The following EXOSC8 variants were observed in gnomAD, a reference collection of about 807,000 sequenced individuals.
The protein encoded by EXOSC8 is exosome component 8, also known as exosome complex component RRP43.
Under a neutral mutation model 39.9 loss-of-function variants are expected in EXOSC8, and 37 were observed. The observed-to-expected ratio is 0.93, with a 90% CI of 0.71 to 1.22. The LOEUF is 1.22. Among genes scored for constraint, EXOSC8 ranks in the 50% most tolerant of loss-of-function variants. EXOSC8 has a pLI of 0.00. For missense variants in EXOSC8, 313 were observed against 326.6 expected, an observed-to-expected ratio of 0.96 and a Z score of 0.32; for synonymous variants, 93 against 109.5, an observed-to-expected ratio of 0.85 and a Z score of 0.94.
In EXOSC8 at chr13:37,008,431, A is replaced by G. The variant is rs7329124; in HGVS notation, c.608+254A>G. Among the ~76,000 whole-genome samples the G allele has an allele frequency of 0.051, 7,806 of 152,266 alleles. 663 individuals are homozygous for G. Among genetic ancestry groups the G allele is most frequent in the African/African-American group, 0.18 (7,401 of 41,520 alleles). ...TAAGATTTATCTGAAGCTATCTTCA[A>G]TATTTTCCAAGGATTTTAGCACGTT... is the stretch of plus-strand genomic sequence containing the variant. On this transcript the variant is annotated intron_variant, in intron 9 of 10. Transcript: ENST00000389704.
chr13:37,008,693 C>T (rs2059174489), intron 9 of EXOSC8, 36 bp from the exon 10 acceptor site: 1 of 1,339,516 alleles, frequency 7.5e-7, no homozygotes, highest in African/African-American at 1.5e-5. Flanking sequence ...AAATTTGTTC[C>T]ATGGATTGAT....
chr13:37,006,788 A>G (rs2138849558), intron 7 of EXOSC8, among the ~76,000 whole-genome samples, 187 bp from the exon 8 acceptor site: 1 of 152,358 alleles, frequency 6.6e-6, no homozygotes, highest in East Asian at 1.9e-4. Context: ...GCTTTCACAA[A>G]ACCTGTCCAC....
Position 37,005,649 on chromosome 13 carries a change from C to T in EXOSC8, c.239-271C>T, listed in dbSNP as rs148224658. On this transcript the variant is annotated intron_variant, in intron 5 of 10. Transcript: ENST00000389704. ...TTGCGAGGCTGAGGCGGGCGGATCA[C>T]GAGGTCAGGCGATCGAGACCATCTT... is the stretch of plus-strand genomic sequence containing the variant. 2.5e-3 allele frequency among the ~76,000 whole-genome samples: 386 copies of T among 151,966 alleles called. 3 individuals are homozygous for T. The highest frequency in any genetic ancestry group is 8.8e-3 in the African/African-American group (366 of 41,464).
Position 37,008,855 on chromosome 13 carries a change from G to C in EXOSC8, c.715+20G>C, listed in dbSNP as rs1566078126. The C allele has an allele frequency of 4.1e-6, 6 of 1,464,952 alleles. No homozygotes were observed. Among genetic ancestry groups the C allele is most frequent in the Non-Finnish European group, 5.7e-6 (6 of 1,044,886 alleles). 90.7% of individuals were successfully genotyped at this position (1,464,952 alleles called of 1,614,324 possible). A position where few individuals can be genotyped will look rare whatever the true frequency, so the allele number is the denominator to read the frequency against. ...AACCAGGCATGTTCCCGCCACTTCA[G>C]TCCTAAACATATGTAGATGAAAACT... On this transcript the variant is annotated intron_variant, in intron 10 of 10. Coordinates refer to ENST00000389704, the MANE Select transcript of EXOSC8 (RefSeq NM_181503.3).
chr13:37,001,124 T>C (rs971691698), intron 1 of EXOSC8, among the ~76,000 whole-genome samples: 34 of 152,178 alleles, frequency 2.2e-4, no homozygotes, highest in Non-Finnish European at 1.2e-4. Context: ...CTTTTAAAGA[T>C]TGTGGCCGGG....
chr13:37,004,701 A>G, intron 5 of EXOSC8, 140 bp downstream of exon 5: 1 of 582,434 alleles, frequency 1.7e-6, no homozygotes, highest in South Asian at 2.4e-5. Context: ...AATTCCTCAA[A>G]AGTTTTCCGT....
intron 10 of EXOSC8, 141 bp from the exon 11 acceptor site, chr13:37,009,043 G>C: frequency 1.4e-6 from 1 of 704,964 alleles, no homozygotes; most frequent in Non-Finnish European, 2.4e-6. Context: ...TGGAGGTCTT[G>C]TGAAACTAAC....
chr13:37,005,310 C>T (rs1266012280), intron 5 of EXOSC8, among the ~76,000 whole-genome samples: 1 of 151,968 alleles, frequency 6.6e-6, no homozygotes, highest in East Asian at 1.9e-4. Context: ...GCTATATATA[C>T]TTCAGTTACA....
In EXOSC8 at chr13:37,009,329, T is replaced by TAA. The variant is rs767735943; in HGVS notation, c.*34_*35dup. ...CCACCACATTTTCAAAACAGATTTG[T>TAA]AAAAATTGTATTTGTTAACACTGTG... On this transcript the variant is annotated 3_prime_UTR_variant, in exon 11 of 11. Transcript: ENST00000389704. 1 of 1,285,832 alleles carries TAA rather than the reference T, an allele frequency of 7.8e-7. No individual in the cohort carries two copies. The highest frequency in any genetic ancestry group is 1.8e-5 in the Admixed American group (1 of 55,286). The allele number at this position is 1,285,832 out of a possible 1,614,324, so 79.7% of individuals were successfully genotyped here. A position where few individuals can be genotyped will look rare whatever the true frequency, so the allele number is the denominator to read the frequency against.
At chr13:37,002,614 C>A in intron 3 of EXOSC8, 63 bp downstream of exon 3, 1 of 1,150,776 alleles carries the variant, frequency 8.7e-7, no homozygotes, top group Non-Finnish European at 1.3e-6. Flanking sequence ...ATGAACCAGC[C>A]AAACAGTTTT....
intron 8 of EXOSC8, 55 bp downstream of exon 8, chr13:37,007,126 T>C: frequency 9.1e-7 from 1 of 1,102,464 alleles, no homozygotes; most frequent in Non-Finnish European, 1.4e-6. Flanking sequence ...GAATGTTGTT[T>C]TGTGAAACTT....
At position 37,009,471 on chromosome 13, in the gene EXOSC8, T is replaced by G. The variant is rs1593715286; in HGVS notation, c.*172T>G. 3.8e-6 allele frequency: 3 copies of G among 779,398 alleles called. No homozygotes were observed. The African/African-American group carries it at 5.3e-5, about 14-fold the overall frequency. 48.3% of individuals were successfully genotyped at this position (779,398 alleles called of 1,614,324 possible). On this transcript the variant is annotated 3_prime_UTR_variant, in exon 11 of 11. Coordinates refer to ENST00000389704, the MANE Select transcript of EXOSC8 (RefSeq NM_181503.3). ...TAGTGAAACCATTTTTAAAAAGCAA[T>G]GACTTAGGCAAACCAACCCTAGTTT...
intron 1 of EXOSC8, among the ~76,000 whole-genome samples, chr13:37,002,050 C>CA (rs1189210358): frequency 6.6e-6 from 1 of 152,134 alleles, no homozygotes; most frequent in African/African-American, 2.4e-5. Flanking sequence ...AGAGCTCACT[C>CA]AAAGGGCTTT....
At chr13:37,002,089 CAG>C (rs957321307) in intron 1 of EXOSC8, among the ~76,000 whole-genome samples, 182 bp from the exon 2 acceptor site, 1 of 152,134 alleles carries the variant, frequency 6.6e-6, no homozygotes, top group African/African-American at 2.4e-5. Flanking sequence ...TCGTTTATGG[CAG>C]AGTTAAGGAC....
chr13:37,009,534 GGTT>G lies in EXOSC8; in HGVS notation c.*238_*240del. On this transcript the variant is annotated 3_prime_UTR_variant, in exon 11 of 11. Coordinates refer to ENST00000389704, the MANE Select transcript of EXOSC8 (RefSeq NM_181503.3). ...CCCTGTTTTTATTTAAAAATGATAA[GGTT>G]GTGCTTCTGTATAAAGTTTGTACAT... is the stretch of plus-strand genomic sequence containing the variant. 8.3e-6 allele frequency: 9 copies of G among 1,085,848 alleles called. No individual in the cohort carries two copies. Among genetic ancestry groups the G allele is most frequent in the East Asian group, 2.4e-5 (1 of 41,858 alleles). The allele number at this position is 1,085,848 out of a possible 1,614,324, so 67.3% of individuals were successfully genotyped here.
intron 1 of EXOSC8, among the ~76,000 whole-genome samples, chr13:37,001,051 G>T (rs918495449): frequency 6.6e-6 from 1 of 152,154 alleles, no homozygotes; most frequent in African/African-American, 2.4e-5. Flanking sequence ...TTCCATACCC[G>T]CTGCGAGCGC....
chr13:37,007,812 T>TA (rs923930121), intron 8 of EXOSC8, among the ~76,000 whole-genome samples: 6 of 151,130 alleles, frequency 4.0e-5, no homozygotes, highest in East Asian at 1.9e-4. Context: ...GATATAAATT[T>TA]AAAAAAAAAT....
intron 7 of EXOSC8, 116 bp from the exon 8 acceptor site, chr13:37,006,850 TTTTTGAGCC>T (rs2059142317): frequency 4.9e-6 from 3 of 615,522 alleles, no homozygotes; most frequent in South Asian, 2.0e-5. Flanking sequence ...TTTCTTAAGG[TTTTTGAGCC>T]TTGAAAGTTA....
chr13:37,008,114 A>G lies in EXOSC8; in HGVS notation c.545A>G (p.Lys182Arg). 2 of 1,598,114 alleles carry G rather than the reference A, an allele frequency of 1.3e-6. No homozygotes were observed. Among genetic ancestry groups the G allele is most frequent in the Non-Finnish European group, 1.7e-6 (2 of 1,172,180 alleles). ...ACTGCTTTAGCAGAAGTTAATTTAAAGAAGAAAAGTTATTTGAATATTAGA... is the reference window on the plus strand; with the variant it reads ...ACTGCTTTAGCAGAAGTTAATTTAAGGAAGAAAAGTTATTTGAATATTAGA... ...EETALAEVNLKKKSYLNIRTH... is the reference protein window; with the variant it reads ...EETALAEVNLRKKSYLNIRTH... The change falls in exon 9 of 11, where the codon AAG becomes AGG. Residue 182 changes from lysine to arginine, a missense_variant. Physicochemically the swap from Lys to Arg is conservative, Grantham distance 26. Transcript: ENST00000389704.
Sources: allele counts gnomAD v4.1 joint callset (sites outside exome capture counted in the v4.1 genomes callset), GRCh38; gene constraint gnomAD v4.1.1; transcripts MANE v1.5; gene names NCBI Gene and HGNC (gene_info 2026-07-23, HGNC 2026-07-21).